Variants in TMEM131 observed in about 807,000 individuals in gnomAD.
TMEM131 encodes the protein 2610524E03Rik.
Under a neutral mutation model 211.6 loss-of-function variants are expected in TMEM131, and 66 were observed. That is an observed-to-expected ratio of 0.31 (90% CI 0.26 to 0.38). The LOEUF is 0.38. TMEM131 is among the 10% of genes least tolerant of loss of function. The pLI is 1.00. For synonymous variants in TMEM131, 844 were observed against 841.3 expected (o/e 1.00, Z -0.06); for missense variants, 2,036 against 2,299.3 (o/e 0.89, Z 2.34).
intron 31 of TMEM131, among the ~76,000 whole-genome samples, chr2:97,785,683 T>C (rs542001080): frequency 3.9e-5 from 6 of 152,332 alleles, no homozygotes; most frequent in African/African-American, 1.4e-4. Context: ...CCTAGAGAAA[T>C]GAAGTTCTGT....
intron 31 of TMEM131, among the ~76,000 whole-genome samples, chr2:97,784,923 A>G (rs7567397): frequency 0.76 from 115,701 of 151,962 alleles, 45,705 homozygotes; most frequent in African/African-American, 0.88. Context: ...TATCAGAAAC[A>G]AAACAGAATA....
chr2:97,770,372 T>C (rs899489998), intron 33 of TMEM131, among the ~76,000 whole-genome samples: 1 of 152,208 alleles, frequency 6.6e-6, no homozygotes, highest in South Asian at 2.1e-4. Flanking sequence ...AGAAGAAAGG[T>C]TGCATATAGA....
intron 2 of TMEM131, among the ~76,000 whole-genome samples, chr2:97,909,302 G>T (rs1034953595): frequency 6.6e-6 from 1 of 152,108 alleles, no homozygotes; most frequent in Non-Finnish European, 1.5e-5. Flanking sequence ...CCCTCATAGA[G>T]AGCAGAGGTT....
intron 32 of TMEM131, 146 bp from the exon 33 acceptor site, chr2:97,772,570 T>C (rs920223873): frequency 2.0e-6 from 2 of 996,454 alleles, no homozygotes; most frequent in Admixed American, 3.1e-5. Flanking sequence ...AAATCTGTCT[T>C]CACTGCGGTT....
At chr2:97,876,503 C>T (rs922959246) in intron 4 of TMEM131, among the ~76,000 whole-genome samples, 5 of 152,116 alleles carry the variant, frequency 3.3e-5, no homozygotes, top group South Asian at 2.1e-4. Context: ...TTATCCACCA[C>T]GATCAAGTTG....
chr2:97,909,263 G>A (rs966576965), intron 2 of TMEM131, among the ~76,000 whole-genome samples: 5 of 152,214 alleles, frequency 3.3e-5, no homozygotes, highest in South Asian at 4.1e-4. Context: ...TGGGATGGAT[G>A]GTGGTAGAGA....
intron 32 of TMEM131, among the ~76,000 whole-genome samples, chr2:97,774,664 G>A (rs1679629593): frequency 6.6e-6 from 1 of 152,178 alleles, no homozygotes; most frequent in Non-Finnish European, 1.5e-5. Flanking sequence ...GCTGGAGAGG[G>A]GGCCACAGTG....
At chr2:97,827,053 T>A (rs1682424029) in intron 11 of TMEM131, among the ~76,000 whole-genome samples, 1 of 143,672 alleles carries the variant, frequency 7.0e-6, no homozygotes, top group Non-Finnish European at 1.5e-5. Context: ...CAATGGGTAT[T>A]CAGTAAGTGA....
At chr2:97,860,441 T>C (rs1210291022) in intron 4 of TMEM131, among the ~76,000 whole-genome samples, 3 of 152,216 alleles carry the variant, frequency 2.0e-5, no homozygotes, top group African/African-American at 7.2e-5. Flanking sequence ...TTTTGGTCCA[T>C]GGTTTTCGAA....
chr2:97,875,090 A>G (rs1674638564), intron 4 of TMEM131, among the ~76,000 whole-genome samples: 1 of 152,238 alleles, frequency 6.6e-6, no homozygotes, highest in African/African-American at 2.4e-5. Flanking sequence ...AACAGACTTT[A>G]AACCAACAAA....
intron 1 of TMEM131, among the ~76,000 whole-genome samples, chr2:97,937,470 G>A (rs980083587): frequency 6.6e-6 from 1 of 152,064 alleles, no homozygotes; most frequent in African/African-American, 2.4e-5. Context: ...AGAAAAAAAG[G>A]CATGAAGAAT....
rs142966156 is a variant in TMEM131, at chr2:97,766,107, T to C, written c.4723+7A>G. 2.5e-6 allele frequency: 4 copies of C among 1,613,980 alleles called. No homozygotes were observed. The highest frequency in any genetic ancestry group is 3.4e-6 in the Non-Finnish European group (4 of 1,179,834). ...GAGCCCTGTGGTTTCTAAACTACTA[T>C]ACTTACAGCTGCCAGGTTTGTGAAC... On this transcript the variant is annotated splice_region_variant and intron_variant, in intron 35 of 40. Coordinates refer to ENST00000186436, the MANE Select transcript of TMEM131 (RefSeq NM_015348.2).
At chr2:97,972,518 A>T (rs1273111260) in intron 1 of TMEM131, among the ~76,000 whole-genome samples, 1 of 151,644 alleles carries the variant, frequency 6.6e-6, no homozygotes, top group South Asian at 2.1e-4. Context: ...GCAGGCAGGC[A>T]GGCAGGCAGT....
chr2:97,819,403 T>C (rs1442226113), intron 11 of TMEM131, among the ~76,000 whole-genome samples: 1 of 152,224 alleles, frequency 6.6e-6, no homozygotes, highest in East Asian at 1.9e-4. Flanking sequence ...TACAGTTATT[T>C]TTTATTTCCT....
intron 7 of TMEM131, among the ~76,000 whole-genome samples, chr2:97,841,469 A>T (rs951423962): frequency 6.6e-6 from 1 of 152,214 alleles, no homozygotes; most frequent in East Asian, 1.9e-4. Flanking sequence ...AAAAACATGG[A>T]TATTGGGCCA....
chr2:97,792,196 A>AT (rs1680527184), intron 31 of TMEM131, among the ~76,000 whole-genome samples, 190 bp downstream of exon 31: 1 of 152,242 alleles, frequency 6.6e-6, no homozygotes, highest in Non-Finnish European at 1.5e-5. Flanking sequence ...AAATACAAAT[A>AT]TATCTTTTAT....
intron 1 of TMEM131, among the ~76,000 whole-genome samples, chr2:97,941,306 C>A (rs1573589115): frequency 1.3e-5 from 2 of 152,186 alleles, no homozygotes; most frequent in African/African-American, 4.8e-5. Context: ...TTCCTTACAC[C>A]TTATACAAAA....
chr2:97,877,182 C>T, intron 4 of TMEM131, among the ~76,000 whole-genome samples: 1 of 152,120 alleles, frequency 6.6e-6, no homozygotes, highest in East Asian at 1.9e-4. Context: ...GAACTACAAA[C>T]CACTGCTCAA....
intron 25 of TMEM131, among the ~76,000 whole-genome samples, chr2:97,799,038 C>T (rs983194352): frequency 6.6e-6 from 1 of 152,156 alleles, no homozygotes; most frequent in Non-Finnish European, 1.5e-5. Context: ...AAGAGTGACC[C>T]TTGGACCCCT....
Sources: gnomAD v4.1 joint callset for allele counts (sites outside exome capture counted in the v4.1 genomes callset) on GRCh38, gnomAD v4.1.1 for gene constraint, MANE v1.5 for transcripts, NCBI Gene and HGNC (gene_info 2026-07-23, HGNC 2026-07-21) for gene names.